ATP2C2: variants seen among roughly 807,000 people sequenced by gnomAD.
ATP2C2 encodes the protein ATPase secretory pathway Ca2+ transporting 2, also known as calcium-transporting ATPase type 2C member 2.
A neutral mutation model predicts 110.8 loss-of-function variants in ATP2C2; 171 were observed. The ratio of observed to expected loss-of-function variants is 1.54; its 90% confidence interval spans 1.36 to 1.75. The LOEUF is 1.75. Ranked by LOEUF, ATP2C2 falls within the 40% of genes most tolerant of loss-of-function variation. The probability of loss-of-function intolerance (pLI) is 0.00; values close to 1 mark genes in which losing one functional copy is unlikely to be tolerated. For missense variants in ATP2C2, 1,963 were observed against 1,235.0 expected, an observed-to-expected ratio of 1.59 and a Z score of -8.84; for synonymous variants, 804 against 508.4, an observed-to-expected ratio of 1.58 and a Z score of -7.82.
rs1418933406 is a variant in ATP2C2 at position 84,454,940 on chromosome 16, G to A, written c.2103G>A (p.Glu701=). ...MGQTGTDVSK[E]AANMILVDDD... ...AGACAGGGACGGACGTCAGCAAAGA[G>A]GCCGCCAACATGATCCTGGTGGATG... The change falls in exon 21 of 27, where the codon GAG becomes GAA. Residue 701 remains glutamate (E), a synonymous_variant. Coordinates refer to ENST00000262429, the MANE Select transcript of ATP2C2 (RefSeq NM_014861.4). 5 of 1,613,734 alleles carry A rather than the reference G, an allele frequency of 3.1e-6. No homozygotes were observed. The highest frequency in any genetic ancestry group is 4.2e-6 in the Non-Finnish European group (5 of 1,179,926).
At chr16:84,388,312 G>A (rs904886323) in intron 1 of ATP2C2, among the ~76,000 whole-genome samples, 3 of 148,688 alleles carry the variant, frequency 2.0e-5, no homozygotes, top group Admixed American at 2.0e-4. Flanking sequence ...GTGAAAGAGC[G>A]AGACTCTGTC....
intron 1 of ATP2C2, among the ~76,000 whole-genome samples, chr16:84,383,436 A>G (rs889738): frequency 0.99 from 151,287 of 152,338 alleles, 75,122 homozygotes; most frequent in Middle Eastern, 1. Context: ...ATAAGCAGCC[A>G]TGTCTGGTCC....
chr16:84,460,266 T>G, intron 23 of ATP2C2: 1 of 295,076 alleles, frequency 3.4e-6, no homozygotes, highest in Non-Finnish European at 6.6e-6. Context: ...TGTGTGGAGT[T>G]GGCTGGAGGC....
chr16:84,456,353 T>G (rs1910788142), intron 21 of ATP2C2, among the ~76,000 whole-genome samples: 1 of 152,018 alleles, frequency 6.6e-6, no homozygotes, highest in Non-Finnish European at 1.5e-5. Context: ...TGGTTTAGTC[T>G]TGGGAGAGTG....
intron 11 of ATP2C2, among the ~76,000 whole-genome samples, chr16:84,432,581 C>T (rs971002940): frequency 2.6e-5 from 4 of 151,968 alleles, no homozygotes; most frequent in Admixed American, 6.6e-5. Flanking sequence ...AGTGCAGTGG[C>T]GTGATCTTGG....
At chr16:84,435,868 C>G (rs1046072645) in intron 11 of ATP2C2, among the ~76,000 whole-genome samples, 2 of 151,836 alleles carry the variant, frequency 1.3e-5, no homozygotes, top group Non-Finnish European at 2.9e-5. Flanking sequence ...GAGGATCACG[C>G]CTGTGATCCC....
chr16:84,403,173 T>G (rs1228785155), intron 2 of ATP2C2, among the ~76,000 whole-genome samples: 1 of 152,212 alleles, frequency 6.6e-6, no homozygotes, highest in African/African-American at 2.4e-5. Flanking sequence ...TCTTCTCTCT[T>G]TTTTTCTTAG....
At position 84,446,379 on chromosome 16, in the gene ATP2C2, A is replaced by G. The variant is rs1597853775; in HGVS notation, c.1452A>G (p.Pro484=). The change falls in exon 16 of 27, where the codon CCA becomes CCG. Residue 484 remains proline (P), a synonymous_variant. Transcript: ENST00000262429. ...KNSYIRKKEI[P]FSSEQKWMAV... The stretch of plus-strand genomic sequence containing the variant: ...CATATATAAGAAAAAAAGAGATTCC[A>G]TTCAGTTCAGAGCAGAAGTGGATGG... 1 of 1,607,360 alleles carries G rather than the reference A, an allele frequency of 6.2e-7. No individual in the cohort carries two copies. The highest frequency in any genetic ancestry group is 8.5e-7 in the Non-Finnish European group (1 of 1,177,614).
intron 1 of ATP2C2, among the ~76,000 whole-genome samples, chr16:84,385,381 C>G (rs8045524): frequency 0.04 from 6,111 of 152,272 alleles, 409 homozygotes; most frequent in African/African-American, 0.14. Context: ...CACCTCCCAC[C>G]AGGCCCACCT....
At chr16:84,425,979 C>T (rs1248488901) in intron 11 of ATP2C2, 178 bp downstream of exon 11, 12 of 659,542 alleles carry the variant, frequency 1.8e-5, no homozygotes, top group Middle Eastern at 4.4e-4. Context: ...GAGTGCCCGG[C>T]GAATGCTTGC....
At chr16:84,443,865 G>C (rs944814770) in intron 15 of ATP2C2, among the ~76,000 whole-genome samples, 2 of 152,140 alleles carry the variant, frequency 1.3e-5, no homozygotes, top group African/African-American at 4.8e-5. Context: ...CTTTTCCCCA[G>C]TGTAAGAACA....
intron 1 of ATP2C2, among the ~76,000 whole-genome samples, chr16:84,388,563 A>C (rs149058210): frequency 1.5e-3 from 221 of 152,200 alleles, no homozygotes; most frequent in Middle Eastern, 0.014. Flanking sequence ...GTGCCTTGGG[A>C]GAGAAGGATA....
chr16:84,384,754 A>C (rs1435020891), intron 1 of ATP2C2, among the ~76,000 whole-genome samples: 1 of 152,198 alleles, frequency 6.6e-6, no homozygotes, highest in Non-Finnish European at 1.5e-5. Flanking sequence ...ACACTGCTAT[A>C]AAGAAATACC....
Position 84,456,501 on chromosome 16 carries a change from G to T in ATP2C2, c.2147+1517G>T, listed in dbSNP as rs1910801095. The stretch of plus-strand genomic sequence containing the variant: ...TGGAAGTTCTGGCCAGGGCAATCAG[G>T]CAGGAGAAGGAAATAAAGGGTATTC... On this transcript the variant is annotated intron_variant, in intron 21 of 26. Coordinates refer to ENST00000262429, the MANE Select transcript of ATP2C2 (RefSeq NM_014861.4). Among the ~76,000 whole-genome samples the T allele has an allele frequency of 3.0e-5, 4 of 131,546 alleles. No homozygotes were observed. In the Admixed American group the frequency reaches 3.2e-4, roughly 11 times the overall value. 86.3% of individuals were successfully genotyped at this position (131,546 alleles called of 152,430 possible).
chr16:84,372,749 A>G (rs1910028193), intron 1 of ATP2C2, among the ~76,000 whole-genome samples: 1 of 152,120 alleles, frequency 6.6e-6, no homozygotes, highest in African/African-American at 2.4e-5. Context: ...GATTTGTACA[A>G]AAGTGTGATA....
chr16:84,438,310 G>A (rs532198603), intron 11 of ATP2C2, among the ~76,000 whole-genome samples: 1 of 152,278 alleles, frequency 6.6e-6, no homozygotes, highest in African/African-American at 2.4e-5. Context: ...CCCTGGCTAT[G>A]TCAAACTGGA....
chr16:84,378,716 G>A (rs578241158), intron 1 of ATP2C2, among the ~76,000 whole-genome samples: 1 of 152,214 alleles, frequency 6.6e-6, no homozygotes, highest in Non-Finnish European at 1.5e-5. Flanking sequence ...GGCCGACTAC[G>A]TGATTGTCAG....
chr16:84,391,379 T>C (rs1206260567), intron 1 of ATP2C2, among the ~76,000 whole-genome samples: 1 of 152,212 alleles, frequency 6.6e-6, no homozygotes, highest in African/African-American at 2.4e-5. Flanking sequence ...CATGCTGTTA[T>C]GGTCAAGGCG....
At chr16:84,430,278 C>G (rs1440224911) in intron 11 of ATP2C2, among the ~76,000 whole-genome samples, 1 of 152,124 alleles carries the variant, frequency 6.6e-6, no homozygotes, top group East Asian at 1.9e-4. Flanking sequence ...GAGGCCTGAG[C>G]CAGGGCTGGG....
Sources: gnomAD v4.1 joint callset for allele counts (sites outside exome capture counted in the v4.1 genomes callset) on GRCh38, gnomAD v4.1.1 for gene constraint, MANE v1.5 for transcripts, NCBI Gene and HGNC (gene_info 2026-07-23, HGNC 2026-07-21) for gene names.